The following CYP1B1 variants were observed in gnomAD, a reference collection of about 807,000 sequenced individuals.
CYP1B1 encodes cytochrome P450 family 1 subfamily B member 1.
A neutral mutation model predicts 29.9 loss-of-function variants in CYP1B1; 22 were observed. The observed-to-expected ratio is 0.74, with a 90% confidence interval of 0.53 to 1.05. The LOEUF (loss-of-function observed/expected upper bound fraction) is 1.05. Ranked by LOEUF, CYP1B1 falls within the 50% of genes least tolerant of loss-of-function variation. The pLI is 0.00. For synonymous variants in CYP1B1, 375 were observed against 320.0 expected (o/e 1.17, Z -1.83); for missense variants, 883 against 746.9 (o/e 1.18, Z -2.12).
intron 2 of CYP1B1, among the ~76,000 whole-genome samples, chr2:38,074,090 C>G (rs954641559): frequency 6.6e-6 from 1 of 151,922 alleles, no homozygotes; most frequent in Non-Finnish European, 1.5e-5. Context: ...AATGTGTTCT[C>G]ACTCGCAAGC....
intron 1 of CYP1B1, 73 bp from the exon 2 acceptor site, chr2:38,075,462 C>T: frequency 6.7e-7 from 1 of 1,502,254 alleles, no homozygotes; most frequent in Admixed American, 1.8e-5. Context: ...GCCCCTACCC[C>T]AGCCTCTGGG....
chr2:38,068,370 T>G lies in CYP1B1; in HGVS notation c.*2352A>C, dbSNP rs1301742560. On this transcript the variant is annotated 3_prime_UTR_variant, in exon 3 of 3. Coordinates refer to ENST00000610745, the MANE Select transcript of CYP1B1 (RefSeq NM_000104.4). ...TTCCATATAAACACAGCTTTCCTTT[T>G]GCCGCAAGCATCTGATGACGACTGG... The G allele has an allele frequency of 8.8e-6, 2 of 227,684 alleles. No homozygotes were observed. Among genetic ancestry groups the G allele is most frequent in the Admixed American group, 5.7e-5 (1 of 17,560 alleles). 14.1% of individuals were successfully genotyped at this position (227,684 alleles called of 1,614,324 possible).
Position 38,075,184 on chromosome 2 carries a change from C to T in CYP1B1, c.205G>A (p.Ala69Thr). ...LIGNAAAVGQ[A>T]AHLSFARLAR... ...AGGCGAGCGAACGAGAGGTGAGCCG[C>T]CTGGCCCACCGCCGCCGCGTTTCCG... is the stretch of plus-strand genomic sequence containing the variant. Residue 69 changes from alanine to threonine, a missense_variant, in exon 2 of 3, where the codon GCG (alanine) becomes ACG (threonine). Transcript: ENST00000610745. 10 of 1,569,640 alleles carry T rather than the reference C, an allele frequency of 6.4e-6. No individual in the cohort carries two copies. The highest frequency in any genetic ancestry group is 2.3e-5 in the East Asian group (1 of 43,572).
chr2:38,070,415 T>C lies in CYP1B1; in HGVS notation c.*307A>G, dbSNP rs1389486157. Reference sequence around the variant, plus strand: ...GTGTAAGTGTTTGGGTGTATGTGTCTATATGTGCATTTTAACTCCAAAGAA... The same window carrying C: ...GTGTAAGTGTTTGGGTGTATGTGTCCATATGTGCATTTTAACTCCAAAGAA... On this transcript the variant is annotated 3_prime_UTR_variant, in exon 3 of 3. Coordinates refer to ENST00000610745, the MANE Select transcript of CYP1B1 (RefSeq NM_000104.4). 2.2e-6 allele frequency: 1 copy of C among 449,516 alleles called. No homozygotes were observed. Among genetic ancestry groups the C allele is most frequent in the Admixed American group, 3.7e-5 (1 of 26,982 alleles). The allele number at this position is 449,516 out of a possible 1,614,324, so 27.8% of individuals were successfully genotyped here. A position where few individuals can be genotyped will look rare whatever the true frequency, so the allele number is the denominator to read the frequency against.
chr2:38,075,330 T>C lies in CYP1B1; in HGVS notation c.59A>G (p.Gln20Arg), dbSNP rs1281285175. The change falls in exon 2 of 3, where the codon CAG becomes CGG. Residue 20 changes from glutamine to arginine, a missense_variant. Transcript: ENST00000610745. ...PWPLNPLSIQ[Q>R]TTLLLLLSVL... ...CGACAGGAGTAGCAGGAGCGTGGTC[T>C]GCTGGATGGACAGCGGGTTTAGCGG... 1.2e-6 allele frequency: 2 copies of C among 1,612,998 alleles called. No individual in the cohort carries two copies. The highest frequency in any genetic ancestry group is 2.2e-5 in the East Asian group (1 of 44,874).
chr2:38,069,870 G>C lies in CYP1B1; in HGVS notation c.*852C>G, dbSNP rs1370741670. The C allele has an allele frequency of 1.0e-5, 2 of 195,454 alleles. No homozygotes were observed. Among genetic ancestry groups the C allele is most frequent in the South Asian group, 3.9e-4 (2 of 5,154 alleles). The allele number at this position is 195,454 out of a possible 1,614,324, so 12.1% of individuals were successfully genotyped here. A position where few individuals can be genotyped will look rare whatever the true frequency, so the allele number is the denominator to read the frequency against. On this transcript the variant is annotated 3_prime_UTR_variant, in exon 3 of 3. Transcript: ENST00000610745. ...TTTTTTTTAACCTATGAGACTTACT[G>C]AAATCAGTACATTATGGTCACATAA...
At chr2:38,075,451 C>T (rs973732156) in intron 1 of CYP1B1, 62 bp from the exon 2 acceptor site, 3 of 1,536,844 alleles carry the variant, frequency 2.0e-6, no homozygotes, top group African/African-American at 1.4e-5. Flanking sequence ...GGGCGCCCCA[C>T]GCCCCTACCC....
Position 38,069,289 on chromosome 2 carries a change from G to C in CYP1B1, c.*1433C>G, listed in dbSNP as rs1041869867. The C allele has an allele frequency of 1.4e-5, 3 of 219,778 alleles. No homozygotes were observed. The highest frequency in any genetic ancestry group is 4.5e-5 in the African/African-American group (2 of 44,636). The allele number at this position is 219,778 out of a possible 1,614,324, so 13.6% of individuals were successfully genotyped here. ...AAAAAATCATCTAGAAGAGAAACTTGGTCAGTTGTAATGGGAGTTCTGTCC... is the reference window on the plus strand; with the variant it reads ...AAAAAATCATCTAGAAGAGAAACTTCGTCAGTTGTAATGGGAGTTCTGTCC... On this transcript the variant is annotated 3_prime_UTR_variant, in exon 3 of 3. Transcript: ENST00000610745.
At position 38,068,976 on chromosome 2, in the gene CYP1B1, A is replaced by G. The variant is rs34169771; in HGVS notation, c.*1746T>C. On this transcript the variant is annotated 3_prime_UTR_variant, in exon 3 of 3. Coordinates refer to ENST00000610745, the MANE Select transcript of CYP1B1 (RefSeq NM_000104.4). ...ACTCCCTTTTTTAAAATTTTGGTAC[A>G]AAGATTCCAAAAAGCTTAATAAAAT... The G allele has an allele frequency of 3.7e-4, 84 of 228,406 alleles. No individual in the cohort carries two copies. The highest frequency in any genetic ancestry group is 1.7e-3 in the African/African-American group (78 of 45,218). The allele number at this position is 228,406 out of a possible 1,614,324, so 14.1% of individuals were successfully genotyped here.
At position 38,071,450 on chromosome 2, in the gene CYP1B1, G is replaced by GA. The variant is rs34468862; in HGVS notation, c.1044-141dup. 0.19 allele frequency: 146,102 copies of GA among 784,428 alleles called. 15,725 individuals are homozygous for GA. The highest frequency in any genetic ancestry group is 0.29 in the African/African-American group (16,553 of 57,452). The allele number at this position is 784,428 out of a possible 1,614,324, so 48.6% of individuals were successfully genotyped here. On this transcript the variant is annotated intron_variant, in intron 2 of 2. Coordinates refer to ENST00000610745, the MANE Select transcript of CYP1B1 (RefSeq NM_000104.4). ...TCAGTGACTAAATTAATATTTCTGG[G>GA]AAAAAAATCTAAAACAGCTTCCTAA... is the stretch of plus-strand genomic sequence containing the variant.
chr2:38,075,595 G>GTAA (rs1007517629), intron 1 of CYP1B1, 185 bp downstream of exon 1: 11 of 611,718 alleles, frequency 1.8e-5, no homozygotes, highest in Non-Finnish European at 2.9e-5. Flanking sequence ...CCACCTCGCT[G>GTAA]TAACCCAGCG....
At chr2:38,071,348 A>G in intron 2 of CYP1B1, 38 bp from the exon 3 acceptor site, 1 of 1,580,320 alleles carries the variant, frequency 6.3e-7, no homozygotes, top group Non-Finnish European at 8.7e-7. Flanking sequence ...AAAGCAAGTG[A>G]GCAAAATTCT....
Position 38,070,258 on chromosome 2 carries a change from C to G in CYP1B1, c.*464G>C, listed in dbSNP as rs1682400222. ...CACTTTACACTGAAATTACTTGTCT[C>G]TGTCTCTTCAACAATATACTCTGAA... On this transcript the variant is annotated 3_prime_UTR_variant, in exon 3 of 3. Transcript: ENST00000610745. 4.1e-6 allele frequency: 1 copy of G among 243,464 alleles called. No individual in the cohort carries two copies. The allele number at this position is 243,464 out of a possible 1,614,324, so 15.1% of individuals were successfully genotyped here.
intron 2 of CYP1B1, 137 bp from the exon 3 acceptor site, chr2:38,071,447 TGG>T: frequency 1.2e-6 from 1 of 817,974 alleles, no homozygotes; most frequent in Non-Finnish European, 2.0e-6. Context: ...TTAATATTTC[TGG>T]GAAAAAAATC....
At chr2:38,071,755 C>A in intron 2 of CYP1B1, among the ~76,000 whole-genome samples, 1 of 152,262 alleles carries the variant, frequency 6.6e-6, no homozygotes, top group East Asian at 1.9e-4. Context: ...TATTTTCATA[C>A]ATCATTTTAA....
rs770030868 is a variant in CYP1B1 at position 38,071,019 on chromosome 2, G to A, written c.1335C>T (p.Phe445=). The A allele has an allele frequency of 4.3e-6, 7 of 1,613,994 alleles. No individual in the cohort carries two copies. Among genetic ancestry groups the A allele is most frequent in the Middle Eastern group, 3.3e-4 (2 of 6,082 alleles). The part of the protein sequence containing the change: ...PNPENFDPAR[F]LDKDGLINKD... The stretch of plus-strand genomic sequence containing the variant: ...TGTTGATGAGGCCATCCTTGTCCAA[G>A]AATCGAGCTGGATCAAAGTTCTCCG... The change falls in exon 3 of 3, where the codon TTC becomes TTT. Residue 445 remains phenylalanine, a synonymous_variant. Transcript: ENST00000610745.
At chr2:38,074,296 G>C (rs751515331) in intron 2 of CYP1B1, 50 bp downstream of exon 2, 2 of 1,586,722 alleles carry the variant, frequency 1.3e-6, no homozygotes, top group South Asian at 1.1e-5. Flanking sequence ...TCTCTACTCC[G>C]CCTTTTTCAG....
Position 38,070,584 on chromosome 2 carries a change from C to G in CYP1B1, c.*138G>C, listed in dbSNP as rs1682407356. 8 of 797,516 alleles carry G rather than the reference C, an allele frequency of 1.0e-5. No individual in the cohort carries two copies. The highest frequency in any genetic ancestry group is 1.7e-5 in the Non-Finnish European group (8 of 479,602). The allele number at this position is 797,516 out of a possible 1,614,324, so 49.4% of individuals were successfully genotyped here. A position where few individuals can be genotyped will look rare whatever the true frequency, so the allele number is the denominator to read the frequency against. On this transcript the variant is annotated 3_prime_UTR_variant, in exon 3 of 3. Transcript: ENST00000610745. ...CCGCTGGGTATGGAGCACACCTCAC[C>G]TGATGGACAGTTGATTTATGCTCAC... is the stretch of plus-strand genomic sequence containing the variant.
Position 38,074,440 on chromosome 2 carries a change from A to C in CYP1B1, c.949T>G (p.Leu317Val). ...GTGATAGTGGCCGGTACGTTCTCCA[A>C]ATCCAGCCGCGCGCCACCACCGTGC... The part of the protein sequence containing the change: ...DSHGGGARLD[L>V]ENVPATITDI... The change falls in exon 2 of 3, where the codon TTG becomes GTG. Residue 317 changes from leucine (L) to valine (V), a missense_variant. By Grantham distance (32) the Leu-to-Val change is conservative. Coordinates refer to ENST00000610745, the MANE Select transcript of CYP1B1 (RefSeq NM_000104.4). 1 of 1,613,208 alleles carries C rather than the reference A, an allele frequency of 6.2e-7. No homozygotes were observed. Among genetic ancestry groups the C allele is most frequent in the Non-Finnish European group, 8.5e-7 (1 of 1,179,842 alleles).
Sources: gnomAD v4.1 joint callset for allele counts (sites outside exome capture counted in the v4.1 genomes callset) on GRCh38, gnomAD v4.1.1 for gene constraint, MANE v1.5 for transcripts, NCBI Gene and HGNC (gene_info 2026-07-23, HGNC 2026-07-21) for gene names.